SYNE1: variants seen among roughly 807,000 people sequenced by gnomAD.
The protein encoded by SYNE1 is nesprin-1.
SYNE1 carries 616 observed loss-of-function variants against 1,111.0 expected under a neutral mutation model. The ratio of observed to expected loss-of-function variants is 0.55; its 90% confidence interval spans 0.52 to 0.59. SYNE1 has a LOEUF of 0.59. Among genes scored for constraint, SYNE1 ranks in the 20% least tolerant of loss-of-function variants. The probability of loss-of-function intolerance (pLI) is 0.00; values close to 1 mark genes in which losing one functional copy is unlikely to be tolerated. For synonymous variants in SYNE1, 3,855 were observed against 3,825.8 expected (o/e 1.01, Z -0.28); for missense variants, 10,006 against 10,417.0 (o/e 0.96, Z 1.72).
chr6:152,498,950 T>C (rs2154319450), intron 10 of SYNE1, among the ~76,000 whole-genome samples, 158 bp from the exon 11 acceptor site: 1 of 152,270 alleles, frequency 6.6e-6, no homozygotes, highest in South Asian at 2.1e-4. Flanking sequence ...TCATAGCTTT[T>C]GAAACTACAA....
intron 64 of SYNE1, 33 bp downstream of exon 64, chr6:152,362,137 G>C: frequency 6.2e-7 from 1 of 1,614,130 alleles, no homozygotes; most frequent in South Asian, 1.1e-5. Context: ...AAGCCTGTGA[G>C]AAAACACATG....
At chr6:152,604,183 T>C (rs2099605008) in intron 3 of SYNE1, among the ~76,000 whole-genome samples, 1 of 151,184 alleles carries the variant, frequency 6.6e-6, no homozygotes, top group African/African-American at 2.4e-5. Context: ...TGTGTGTATG[T>C]GTGTGTGTGT....
chr6:152,635,973 A>G lies in SYNE1; in HGVS notation c.-224+665T>C, dbSNP rs375526729. Among the ~76,000 whole-genome samples, 3 of 152,278 alleles carry G rather than the reference A, an allele frequency of 2.0e-5. No individual in the cohort carries two copies. The East Asian group carries it at 5.8e-4, about 29-fold the overall frequency. On this transcript the variant is annotated intron_variant, in intron 2 of 145. Coordinates refer to ENST00000367255, the MANE Select transcript of SYNE1 (RefSeq NM_182961.4). ...GCGGCTGATGGCTGCTTCGTTTTGC[A>G]CGGATGCCTGCCCGTTGGGATGCAC...
intron 93 of SYNE1, among the ~76,000 whole-genome samples, chr6:152,296,328 T>C (rs1411466408): frequency 6.6e-6 from 1 of 152,226 alleles, no homozygotes; most frequent in African/African-American, 2.4e-5. Context: ...CCAATATTGG[T>C]GAATTGATAA....
At chr6:152,203,165 C>A (rs954266035) in intron 126 of SYNE1, among the ~76,000 whole-genome samples, 1 of 151,952 alleles carries the variant, frequency 6.6e-6, no homozygotes, top group Admixed American at 6.6e-5. Flanking sequence ...TTGGATGGCA[C>A]AATAAGGGAA....
chr6:152,220,794 C>T, intron 119 of SYNE1, 48 bp downstream of exon 119: 1 of 1,542,488 alleles, frequency 6.5e-7, no homozygotes, highest in Non-Finnish European at 9.0e-7. Context: ...TAAACTTGGG[C>T]AGTCTAAGAA....
At chr6:152,132,261 T>C (rs2152706769) in intron 143 of SYNE1, 47 bp from the exon 144 acceptor site, 2 of 1,537,002 alleles carry the variant, frequency 1.3e-6, no homozygotes, top group East Asian at 2.2e-5. Context: ...CCCAGACCCA[T>C]GGGGGCCCTC....
At chr6:152,463,659 A>G (rs1303498684) in intron 18 of SYNE1, 142 bp from the exon 19 acceptor site, 6 of 790,804 alleles carry the variant, frequency 7.6e-6, no homozygotes, top group South Asian at 1.6e-5. Flanking sequence ...TTTAAAATGC[A>G]CATTTTTGAT....
chr6:152,486,242 A>C (rs2098939760), intron 12 of SYNE1, among the ~76,000 whole-genome samples: 1 of 152,176 alleles, frequency 6.6e-6, no homozygotes, highest in Non-Finnish European at 1.5e-5. Flanking sequence ...AATTTAAAAA[A>C]AAACAAAACA....
intron 29 of SYNE1, among the ~76,000 whole-genome samples, chr6:152,445,541 CCTAT>C (rs2098577334): frequency 6.6e-6 from 1 of 151,994 alleles, no homozygotes; most frequent in Non-Finnish European, 1.5e-5. Flanking sequence ...CTTCTTTTAT[CCTAT>C]CTTTTTTCTT....
intron 3 of SYNE1, among the ~76,000 whole-genome samples, chr6:152,570,439 G>A (rs1393426825): frequency 3.9e-5 from 6 of 152,008 alleles, no homozygotes; most frequent in Non-Finnish European, 8.8e-5. Flanking sequence ...ATACCTTTTG[G>A]GTCAGGTAGA....
At chr6:152,214,526 G>T (rs146082445) in intron 122 of SYNE1, among the ~76,000 whole-genome samples, 24 of 152,286 alleles carry the variant, frequency 1.6e-4, no homozygotes, top group African/African-American at 5.3e-4. Context: ...GGTGAATGTT[G>T]GTAGTATTCT....
chr6:152,620,346 A>C (rs2099672653), intron 3 of SYNE1, among the ~76,000 whole-genome samples: 1 of 152,118 alleles, frequency 6.6e-6, no homozygotes, highest in South Asian at 2.1e-4. Flanking sequence ...GGGTGGTGCC[A>C]ACCAATCTCA....
chr6:152,143,713 A>C lies in SYNE1; in HGVS notation c.25029T>G (p.Asp8343Glu). ...SQIRQLGKAL[D>E]DSRFQIQQTE... Reference sequence around the variant, plus strand: ...TTTGCTGTATCTGAAAACGGCTATCATCCAGGGCTTTGCCCAGTTGTCGGA... The same window carrying C: ...TTTGCTGTATCTGAAAACGGCTATCCTCCAGGGCTTTGCCCAGTTGTCGGA... The change falls in exon 138 of 146, where the codon GAT becomes GAG. Residue 8343 changes from aspartate to glutamate, a missense_variant. Physicochemically the swap from Asp to Glu is conservative, Grantham distance 45 (BLOSUM62 2). Coordinates refer to ENST00000367255, the MANE Select transcript of SYNE1 (RefSeq NM_182961.4). 1 of 1,614,190 alleles carries C rather than the reference A, an allele frequency of 6.2e-7. No individual in the cohort carries two copies.
chr6:152,136,914 T>A, intron 140 of SYNE1, 96 bp from the exon 141 acceptor site: 2 of 1,390,042 alleles, frequency 1.4e-6, no homozygotes, highest in Non-Finnish European at 2.0e-6. Flanking sequence ...TCCATTAATT[T>A]AAACTGGCCT....
chr6:152,484,221 A>G (rs2098927422), intron 13 of SYNE1, among the ~76,000 whole-genome samples: 2 of 152,036 alleles, frequency 1.3e-5, no homozygotes, highest in South Asian at 4.2e-4. Flanking sequence ...CAAAAACAAA[A>G]TAAAATAAAG....
At chr6:152,510,406 C>G (rs765703792) in intron 7 of SYNE1, 35 bp from the exon 8 acceptor site, 4 of 1,605,618 alleles carry the variant, frequency 2.5e-6, no homozygotes, top group Non-Finnish European at 3.4e-6. Flanking sequence ...AAAATATAAG[C>G]ATTATCTTTG....
At position 152,331,816 on chromosome 6, in the gene SYNE1, T is replaced by C. The variant is rs1163302129; in HGVS notation, c.12869A>G (p.Tyr4290Cys). The C allele has an allele frequency of 6.2e-7, 1 of 1,614,180 alleles. No individual in the cohort carries two copies. The highest frequency in any genetic ancestry group is 2.2e-5 in the East Asian group (1 of 44,888). The change falls in exon 78 of 146, where the codon TAT (tyrosine) becomes TGT (cysteine). Residue 4290 changes from tyrosine (Y) to cysteine (C), a missense_variant. Around this residue, in one of 7 missense-constraint regions of SYNE1, gnomAD observed 4,955 missense variants for 5,017.2 expected, o/e 0.99. Coordinates refer to ENST00000367255, the MANE Select transcript of SYNE1 (RefSeq NM_182961.4). ...TTGATCTTTCAGATCTTCAATAGCA[T>C]ACTTTCTCTCCTGCAATGCCAATGC... ...KLALALQERK[Y>C]AIEDLKDQKQ... is the part of the protein sequence containing the mutation.
At chr6:152,206,731 T>C (rs1156387621) in intron 125 of SYNE1, among the ~76,000 whole-genome samples, 1 of 152,036 alleles carries the variant, frequency 6.6e-6, no homozygotes, top group African/African-American at 2.4e-5. Flanking sequence ...AAGGACCTGG[T>C]GCGGTGAGAT....
Sources: allele counts gnomAD v4.1 joint callset (sites outside exome capture counted in the v4.1 genomes callset), GRCh38; gene constraint gnomAD v4.1.1; regional missense constraint gnomAD v4.1.1; transcripts MANE v1.5; gene names NCBI Gene and HGNC (gene_info 2026-07-23, HGNC 2026-07-21).